The following NAA16 variants were observed in gnomAD, a reference collection of about 807,000 sequenced individuals.
NAA16 encodes NARG1-like protein.
A neutral mutation model predicts 110.3 loss-of-function variants in NAA16; 97 were observed. The ratio of observed to expected loss-of-function variants is 0.88; its 90% CI spans 0.75 to 1.04. The LOEUF is 1.04. Ranked by LOEUF, NAA16 falls within the 50% of genes least tolerant of loss-of-function variation. The pLI, the probability that NAA16 is intolerant of heterozygous loss-of-function variation, is 0.00. For synonymous variants in NAA16, 372 were observed against 330.6 expected (o/e 1.13, Z -1.36); for missense variants, 1,017 against 1,005.1 (o/e 1.01, Z -0.16).
chr13:41,331,504 T>A (rs2042237353), intron 8 of NAA16, 135 bp downstream of exon 8: 3 of 537,658 alleles, frequency 5.6e-6, no homozygotes, highest in African/African-American at 3.9e-5. Context: ...CAGTTATGAG[T>A]TTATATGTTA....
chr13:41,337,253 T>G (rs184399231), intron 9 of NAA16, among the ~76,000 whole-genome samples: 1 of 152,168 alleles, frequency 6.6e-6, no homozygotes, highest in East Asian at 1.9e-4. Flanking sequence ...TTTTTAAAAT[T>G]AGAAAATAGG....
chr13:41,353,648 T>A (rs1224950737), intron 9 of NAA16, among the ~76,000 whole-genome samples: 1 of 151,366 alleles, frequency 6.6e-6, no homozygotes, highest in Non-Finnish European at 1.5e-5. Flanking sequence ...ATGCCTGTAG[T>A]CTTAGTTGCT....
intron 13 of NAA16, among the ~76,000 whole-genome samples, chr13:41,365,686 C>T (rs1361586391): frequency 2.0e-5 from 3 of 152,136 alleles, no homozygotes; most frequent in Admixed American, 6.5e-5. Flanking sequence ...CTGAGAGAGC[C>T]TCTGGCAAAC....
In NAA16 at chr13:41,375,714, TAA is replaced by T. The variant is rs1413063050; in HGVS notation, c.*114_*115del. 2.7e-5 allele frequency: 21 copies of T among 771,820 alleles called. No homozygotes were observed. Among genetic ancestry groups the T allele is most frequent in the Non-Finnish European group, 4.0e-5 (20 of 497,152 alleles). The allele number at this position is 771,820 out of a possible 1,614,324, so 47.8% of individuals were successfully genotyped here. On this transcript the variant is annotated 3_prime_UTR_variant, in exon 20 of 20. Coordinates refer to ENST00000379406, the MANE Select transcript of NAA16 (RefSeq NM_024561.5). ...AAATGAAATATTTGGTTAGGATTTTTAAATGGCATATTCTGTAAGCTTATTTT... is the reference window on the plus strand; with the variant it reads ...AAATGAAATATTTGGTTAGGATTTTTATGGCATATTCTGTAAGCTTATTTT...
At chr13:41,326,033 A>G (rs562290228) in intron 6 of NAA16, among the ~76,000 whole-genome samples, 182 bp downstream of exon 6, 69 of 152,206 alleles carry the variant, frequency 4.5e-4, no homozygotes, top group East Asian at 1.9e-3. Flanking sequence ...TATTATATCT[A>G]TTTTGGAGAT....
chr13:41,333,553 C>T (rs536985901), intron 8 of NAA16, among the ~76,000 whole-genome samples: 1 of 152,082 alleles, frequency 6.6e-6, no homozygotes, highest in South Asian at 2.1e-4. Flanking sequence ...ACTTCTCCTC[C>T]TTTTATTGGT....
At chr13:41,372,147 GA>G in intron 15 of NAA16, 55 bp from the exon 16 acceptor site, 1 of 1,340,526 alleles carries the variant, frequency 7.5e-7, no homozygotes. Flanking sequence ...AATTTTAGGG[GA>G]AATTTGACTT....
chr13:41,322,432 A>G (rs2041971458), intron 4 of NAA16, among the ~76,000 whole-genome samples: 1 of 152,068 alleles, frequency 6.6e-6, no homozygotes, highest in Admixed American at 6.6e-5. Flanking sequence ...GGTGGAGGAG[A>G]AAATCATTAA....
chr13:41,323,080 T>C lies in NAA16; in HGVS notation c.427T>C (p.Leu143=), dbSNP rs754018082. The C allele has an allele frequency of 1.2e-6, 2 of 1,614,092 alleles. No homozygotes were observed. Among genetic ancestry groups the C allele is most frequent in the Non-Finnish European group, 1.7e-6 (2 of 1,179,980 alleles). Residue 143 remains leucine (L), a synonymous_variant, in exon 5 of 20, where the codon TTG becomes CTG. Transcript: ENST00000379406. ...YRETRYQLLQ[L]RPTQRASWIG... ...GGAGACAAGATACCAGCTTCTTCAG[T>C]TGCGCCCCACACAGCGTGCCTCCTG...
intron 9 of NAA16, among the ~76,000 whole-genome samples, chr13:41,340,615 C>T (rs1349842449): frequency 7.7e-6 from 1 of 130,480 alleles, no homozygotes; most frequent in African/African-American, 2.7e-5. Flanking sequence ...GCAGGTTGTT[C>T]AGTTTCCATA....
chr13:41,338,111 T>G (rs574205431), intron 9 of NAA16, among the ~76,000 whole-genome samples: 1 of 152,354 alleles, frequency 6.6e-6, no homozygotes, highest in East Asian at 1.9e-4. Flanking sequence ...TTCTCTAGAT[T>G]ATTTAACATT....
rs138539458 is a variant in NAA16 at position 41,333,989 on chromosome 13, T to C, written c.907+2620T>C. Among the ~76,000 whole-genome samples the C allele has an allele frequency of 1.7e-3, 264 of 152,204 alleles. 2 individuals are homozygous for C. Among genetic ancestry groups the C allele is most frequent in the African/African-American group, 6.1e-3 (254 of 41,538 alleles). Reference sequence around the variant, plus strand: ...CTGATGGCATAGGCTTTCAAGGTCATCATCGCTTTGAGGTTCTGACAAATG... The same window carrying C: ...CTGATGGCATAGGCTTTCAAGGTCACCATCGCTTTGAGGTTCTGACAAATG... On this transcript the variant is annotated intron_variant, in intron 8 of 19. Transcript: ENST00000379406.
chr13:41,334,735 T>C (rs2139425094), intron 8 of NAA16, among the ~76,000 whole-genome samples: 1 of 152,308 alleles, frequency 6.6e-6, no homozygotes, highest in South Asian at 2.1e-4. Context: ...ATTCACACAG[T>C]TGCAAATTAG....
At chr13:41,327,133 C>T (rs1043791766) in intron 6 of NAA16, among the ~76,000 whole-genome samples, 1 of 151,844 alleles carries the variant, frequency 6.6e-6, no homozygotes, top group Admixed American at 6.6e-5. Context: ...TTTTCATGAG[C>T]GTCTTACTTT....
At chr13:41,313,864 T>C (rs2041729054) in intron 1 of NAA16, among the ~76,000 whole-genome samples, 1 of 75,048 alleles carries the variant, frequency 1.3e-5, no homozygotes, top group African/African-American at 3.1e-5. Context: ...TGTAGATTTG[T>C]CTTTTTTTTT....
intron 6 of NAA16, 141 bp from the exon 7 acceptor site, chr13:41,328,583 T>C (rs901319597): frequency 1.8e-5 from 12 of 657,570 alleles, no homozygotes; most frequent in African/African-American, 7.3e-5. Flanking sequence ...CTTAGTTACA[T>C]GAACTGCAAC....
rs955563817 is a variant in NAA16 at position 41,376,885 on chromosome 13, T to C, written c.*1283T>C. The C allele has an allele frequency of 2.0e-5, 3 of 152,180 alleles. No individual in the cohort carries two copies. Among genetic ancestry groups the C allele is most frequent in the Non-Finnish European group, 2.9e-5 (2 of 68,034 alleles). The allele number at this position is 152,180 out of a possible 1,614,324, so 9.4% of individuals were successfully genotyped here. ...ATGCTTCCCTTTATTAAGACAAATA[T>C]ACATTCAAAAAGGGAGATTTTATTT... On this transcript the variant is annotated 3_prime_UTR_variant, in exon 20 of 20. Coordinates refer to ENST00000379406, the MANE Select transcript of NAA16 (RefSeq NM_024561.5).
At chr13:41,358,261 T>G in intron 10 of NAA16, 43 bp from the exon 11 acceptor site, 9 of 1,508,998 alleles carry the variant, frequency 6.0e-6, no homozygotes, top group Non-Finnish European at 8.3e-6. Context: ...TGTGATTTGC[T>G]TTACATTCTT....
At chr13:41,317,834 T>C (rs1319647077) in intron 2 of NAA16, among the ~76,000 whole-genome samples, 3 of 152,236 alleles carry the variant, frequency 2.0e-5, no homozygotes, top group East Asian at 3.8e-4. Context: ...AAAATCATTC[T>C]TCTTGTGTAA....
Sources: allele counts gnomAD v4.1 joint callset (sites outside exome capture counted in the v4.1 genomes callset), GRCh38; gene constraint gnomAD v4.1.1; transcripts MANE v1.5; gene names NCBI Gene and HGNC (gene_info 2026-07-23, HGNC 2026-07-21).